Variants in SH3RF3 observed in about 807,000 individuals in gnomAD.
The protein encoded by SH3RF3 is SH3 domain containing ring finger 3.
Under a neutral mutation model 66.3 loss-of-function variants are expected in SH3RF3, and 29 were observed. The observed-to-expected ratio is 0.44, with a 90% CI of 0.33 to 0.60. The LOEUF (loss-of-function observed/expected upper bound fraction) is 0.60, where lower values mean the gene tolerates loss of function less well. Among genes scored for constraint, SH3RF3 ranks in the 20% least tolerant of loss-of-function variants. SH3RF3 has a pLI of 0.04. For synonymous variants in SH3RF3, 583 were observed against 532.0 expected, an observed-to-expected ratio of 1.10 and a Z score of -1.32; for missense variants, 1,194 against 1,190.9, an observed-to-expected ratio of 1.00 and a Z score of -0.04.
chr2:109,174,257 AAAC>A (rs1230944792), intron 1 of SH3RF3, among the ~76,000 whole-genome samples: 1 of 152,246 alleles, frequency 6.6e-6, no homozygotes, highest in Non-Finnish European at 1.5e-5. Flanking sequence ...TATGACTGGG[AAAC>A]ACAGGCAGAG....
At chr2:109,208,187 C>G (rs1678886680) in intron 1 of SH3RF3, among the ~76,000 whole-genome samples, 2 of 152,252 alleles carry the variant, frequency 1.3e-5, no homozygotes, top group South Asian at 4.1e-4. Context: ...GTGGCACCTA[C>G]CTGGCTCTGC....
chr2:109,325,792 C>A (rs140904226), intron 1 of SH3RF3, among the ~76,000 whole-genome samples: 1 of 152,300 alleles, frequency 6.6e-6, no homozygotes, highest in African/African-American at 2.4e-5. Flanking sequence ...GCCTGCTGCA[C>A]CCTCCTTATT....
intron 1 of SH3RF3, chr2:109,251,725 G>A (rs191058570): frequency 2.5e-5 from 18 of 725,536 alleles, no homozygotes; most frequent in African/African-American, 3.5e-5. Flanking sequence ...AAATTAGGTC[G>A]TGTACATTTT....
chr2:109,499,502 G>A (rs1341858147), intron 9 of SH3RF3, among the ~76,000 whole-genome samples: 1 of 152,196 alleles, frequency 6.6e-6, no homozygotes, highest in Non-Finnish European at 1.5e-5. Context: ...GGCTGGGGGT[G>A]CAGGGGCCCA....
chr2:109,193,045 G>A (rs1274641210), intron 1 of SH3RF3, among the ~76,000 whole-genome samples: 1 of 152,220 alleles, frequency 6.6e-6, no homozygotes, highest in East Asian at 1.9e-4. Flanking sequence ...AGATGTCAAT[G>A]TGCCAAGAAA....
At chr2:109,255,875 TG>T (rs1193373725) in intron 1 of SH3RF3, among the ~76,000 whole-genome samples, 2 of 152,252 alleles carry the variant, frequency 1.3e-5, no homozygotes, top group East Asian at 3.8e-4. Flanking sequence ...TTTTCCTTTT[TG>T]CCCTTTTCAT....
intron 8 of SH3RF3, among the ~76,000 whole-genome samples, chr2:109,464,428 TAC>T (rs1166379177): frequency 5.3e-5 from 8 of 152,222 alleles, no homozygotes; most frequent in Admixed American, 2.6e-4. Context: ...TGACTACATG[TAC>T]ACACATTCGC....
chr2:109,193,584 A>G (rs889231870), intron 1 of SH3RF3, among the ~76,000 whole-genome samples: 1 of 151,934 alleles, frequency 6.6e-6, no homozygotes, highest in South Asian at 2.1e-4. Flanking sequence ...TGTGCCATTC[A>G]TTTTTTTAAT....
At chr2:109,336,231 T>C (rs1342723987) in intron 1 of SH3RF3, among the ~76,000 whole-genome samples, 2 of 152,208 alleles carry the variant, frequency 1.3e-5, no homozygotes, top group Admixed American at 6.5e-5. Flanking sequence ...TCTCCCTCAC[T>C]GGGGAAGAGG....
chr2:109,132,514 A>G (rs896034213), intron 1 of SH3RF3, among the ~76,000 whole-genome samples: 2 of 152,138 alleles, frequency 1.3e-5, no homozygotes, highest in Non-Finnish European at 2.9e-5. Flanking sequence ...TTTGAGATAA[A>G]GCGCTTTTGT....
chr2:109,300,954 C>T lies in SH3RF3; in HGVS notation c.574-46720C>T, dbSNP rs1000827484. On this transcript the variant is annotated intron_variant, in intron 1 of 9. Coordinates refer to ENST00000309415, the MANE Select transcript of SH3RF3 (RefSeq NM_001099289.3). Reference sequence around the variant, plus strand: ...CCACAGCATGGCTGCTGGCTACCAGCTGCAGATGCTGGTGCCGACTAGCCT... The same window carrying T: ...CCACAGCATGGCTGCTGGCTACCAGTTGCAGATGCTGGTGCCGACTAGCCT... Among the ~76,000 whole-genome samples, 9 of 152,242 alleles carry T rather than the reference C, an allele frequency of 5.9e-5. 1 individual carries two copies. The highest frequency in any genetic ancestry group is 5.9e-4 in the Admixed American group (9 of 15,292).
chr2:109,395,187 G>GT (rs1217833270), intron 3 of SH3RF3, among the ~76,000 whole-genome samples: 2 of 152,284 alleles, frequency 1.3e-5, no homozygotes, highest in Non-Finnish European at 2.9e-5. Flanking sequence ...GCATGCCTGT[G>GT]TGAGTATGGC....
chr2:109,415,013 A>G (rs1676685181), intron 4 of SH3RF3, among the ~76,000 whole-genome samples: 2 of 152,172 alleles, frequency 1.3e-5, no homozygotes, highest in South Asian at 2.1e-4. Flanking sequence ...CCCGAGAGGG[A>G]AGCAGAGGCC....
intron 1 of SH3RF3, among the ~76,000 whole-genome samples, chr2:109,262,828 T>C (rs1455074541): frequency 6.6e-6 from 1 of 152,122 alleles, no homozygotes. Flanking sequence ...TACAAGACTT[T>C]CTTTTTTCTT....
rs372051031 is a variant in SH3RF3 at position 109,152,171 on chromosome 2, A to G, written c.573+22058A>G. ...CTGGAATTACATTTCTTCCTAGGAA[A>G]AGTGCTCAGCGTCTTAGAAATAAAT... On this transcript the variant is annotated intron_variant, in intron 1 of 9. Coordinates refer to ENST00000309415, the MANE Select transcript of SH3RF3 (RefSeq NM_001099289.3). Among the ~76,000 whole-genome samples, 10 of 152,348 alleles carry G rather than the reference A, an allele frequency of 6.6e-5. No individual in the cohort carries two copies. In the South Asian group the frequency reaches 2.1e-3, roughly 32 times the overall value.
intron 8 of SH3RF3, among the ~76,000 whole-genome samples, chr2:109,454,770 T>C (rs1336896523): frequency 6.6e-6 from 1 of 152,106 alleles, no homozygotes; most frequent in Non-Finnish European, 1.5e-5. Flanking sequence ...AGTCCTGACA[T>C]AAAACTTAAT....
chr2:109,425,513 G>C (rs565669196), intron 5 of SH3RF3, among the ~76,000 whole-genome samples: 1 of 152,206 alleles, frequency 6.6e-6, no homozygotes, highest in Non-Finnish European at 1.5e-5. Context: ...GGCTAATGCA[G>C]CTGGTGACTC....
At chr2:109,149,245 A>G (rs369896307) in intron 1 of SH3RF3, among the ~76,000 whole-genome samples, 7 of 152,094 alleles carry the variant, frequency 4.6e-5, no homozygotes, top group African/African-American at 1.7e-4. Context: ...CTAGTCAGAC[A>G]CTAAGAATGT....
intron 1 of SH3RF3, among the ~76,000 whole-genome samples, chr2:109,229,822 CTTTCTTT>C (rs1558970289): frequency 8.0e-6 from 1 of 124,958 alleles, no homozygotes; most frequent in Non-Finnish European, 1.6e-5. Context: ...TTTTCTTTTT[CTTTCTTT>C]TTTTTTTTTT....
Sources: gnomAD v4.1 joint callset for allele counts (sites outside exome capture counted in the v4.1 genomes callset) on GRCh38, gnomAD v4.1.1 for gene constraint, MANE v1.5 for transcripts, NCBI Gene and HGNC (gene_info 2026-07-23, HGNC 2026-07-21) for gene names.